MCPH1: variants seen among roughly 807,000 people sequenced by gnomAD.
The protein encoded by MCPH1 is microcephalin.
Under a neutral mutation model 84.5 loss-of-function variants are expected in MCPH1, and 104 were observed. The observed-to-expected ratio is 1.23, with a 90% CI of 1.05 to 1.45. The LOEUF (loss-of-function observed/expected upper bound fraction) is 1.45. Among genes scored for constraint, MCPH1 ranks in the 40% most tolerant of loss-of-function variants. MCPH1 has a pLI of 0.00. For synonymous variants in MCPH1, 514 were observed against 366.8 expected, an observed-to-expected ratio of 1.40 and a Z score of -4.58; for missense variants, 1,498 against 1,005.7, an observed-to-expected ratio of 1.49 and a Z score of -6.62.
intron 12 of MCPH1, among the ~76,000 whole-genome samples, chr8:6,542,039 A>C (rs1436638526): frequency 6.6e-6 from 1 of 152,066 alleles, no homozygotes; most frequent in Non-Finnish European, 1.5e-5. Context: ...CTGAATGATA[A>C]ATGATTACAA....
At chr8:6,625,878 G>T (rs745889127) in intron 13 of MCPH1, 11 of 985,286 alleles carry the variant, frequency 1.1e-5, no homozygotes, top group Non-Finnish European at 1.3e-5. Context: ...CTCACAGGGG[G>T]TGGAGAACCA....
intron 12 of MCPH1, among the ~76,000 whole-genome samples, chr8:6,600,539 A>G (rs1463488389): frequency 6.6e-6 from 1 of 152,250 alleles, no homozygotes; most frequent in African/African-American, 2.4e-5. Context: ...GAGTGTCTCT[A>G]GCATACCTCT....
At chr8:6,448,821 C>A (rs914609785) in intron 8 of MCPH1, among the ~76,000 whole-genome samples, 3 of 152,028 alleles carry the variant, frequency 2.0e-5, no homozygotes, top group Non-Finnish European at 4.4e-5. Flanking sequence ...TGTAACAGAT[C>A]AGATAGTAAG....
chr8:6,416,836 A>T (rs1799372271), intron 3 of MCPH1, among the ~76,000 whole-genome samples: 1 of 152,164 alleles, frequency 6.6e-6, no homozygotes, highest in Admixed American at 6.5e-5. Flanking sequence ...TCTATTAAAA[A>T]TACAAAAATT....
chr8:6,442,425 T>C lies in MCPH1; in HGVS notation c.670+269T>C, dbSNP rs1255952683. 3.3e-5 allele frequency among the ~76,000 whole-genome samples: 5 copies of C among 152,240 alleles called. No individual in the cohort carries two copies. In the South Asian group the frequency reaches 1.0e-3, roughly 32 times the overall value. On this transcript the variant is annotated intron_variant, in intron 7 of 13. Transcript: ENST00000344683. ...TTTAAAAAATTATTGTGAACGTATA[T>C]GAACTAATCTGTATGCAGTTTAAAC...
In MCPH1 at chr8:6,644,489, A is replaced by G. The variant is rs1798116183; in HGVS notation, c.*1440A>G. 1.3e-5 allele frequency: 2 copies of G among 152,236 alleles called. No individual in the cohort carries two copies. The highest frequency in any genetic ancestry group is 6.5e-5 in the Admixed American group (1 of 15,282). The allele number at this position is 152,236 out of a possible 1,614,324, so 9.4% of individuals were successfully genotyped here. A position where few individuals can be genotyped will look rare whatever the true frequency, so the allele number is the denominator to read the frequency against. ...GCTCCTGGAACCGATAAATGACTTA[A>G]GTAAAGTTTCAGGATAGTAAATCCA... On this transcript the variant is annotated 3_prime_UTR_variant, in exon 14 of 14. Transcript: ENST00000344683.
chr8:6,411,882 G>T (rs564802173), intron 2 of MCPH1, among the ~76,000 whole-genome samples: 1 of 152,162 alleles, frequency 6.6e-6, no homozygotes, highest in African/African-American at 2.4e-5. Flanking sequence ...GGGAACTAAT[G>T]TGCTCTTATA....
At chr8:6,493,642 T>C (rs1810909052) in intron 11 of MCPH1, among the ~76,000 whole-genome samples, 1 of 152,180 alleles carries the variant, frequency 6.6e-6, no homozygotes, top group East Asian at 1.9e-4. Flanking sequence ...GTGCAGATCC[T>C]GGTTCAGTGG....
At chr8:6,489,153 A>T (rs534737610) in intron 11 of MCPH1, among the ~76,000 whole-genome samples, 2 of 152,302 alleles carry the variant, frequency 1.3e-5, no homozygotes, top group African/African-American at 4.8e-5. Context: ...TCAAATAGAG[A>T]TACTACATAT....
intron 11 of MCPH1, among the ~76,000 whole-genome samples, chr8:6,499,147 A>T (rs1350330263): frequency 6.6e-6 from 1 of 152,214 alleles, no homozygotes; most frequent in South Asian, 2.1e-4. Context: ...TTAGCTCTAA[A>T]CTTCTGGTGT....
rs1804010918 is a variant in MCPH1 at position 6,444,691 on chromosome 8, G to A, written c.969G>A (p.Gln323=). Residue 323 remains glutamine, a synonymous_variant, in exon 8 of 14, where the codon CAG becomes CAA. Transcript: ENST00000344683. ...AAAAGCAGGCTGCAGGTATGTCTCA[G>A]GAGACGTTTGAAGAGAAGTATCGTT... is the stretch of plus-strand genomic sequence containing the variant. The part of the protein sequence containing the change: ...PDQKQAAGMS[Q]ETFEEKYRLS... The A allele has an allele frequency of 6.2e-7, 1 of 1,614,074 alleles. No individual in the cohort carries two copies. The highest frequency in any genetic ancestry group is 1.3e-5 in the African/African-American group (1 of 75,052).
intron 12 of MCPH1, chr8:6,502,363 G>T (rs952404473): frequency 9.9e-5 from 15 of 152,120 alleles, no homozygotes; most frequent in East Asian, 3.8e-4. Context: ...GAAAAAAATA[G>T]TACGGTCTGC....
chr8:6,621,046 G>A (rs536727020), intron 12 of MCPH1: 11 of 297,266 alleles, frequency 3.7e-5, no homozygotes, highest in African/African-American at 1.8e-4. Context: ...ATTGAATGAC[G>A]CTCTCCCAGC....
intron 9 of MCPH1, 118 bp from the exon 10 acceptor site, chr8:6,477,476 A>T: frequency 1.1e-6 from 1 of 905,400 alleles, no homozygotes; most frequent in Non-Finnish European, 1.8e-6. Flanking sequence ...ACATATGCTT[A>T]AATGTTTATT....
At chr8:6,437,701 C>A (rs999354880) in intron 5 of MCPH1, among the ~76,000 whole-genome samples, 1 of 152,182 alleles carries the variant, frequency 6.6e-6, no homozygotes, top group African/African-American at 2.4e-5. Flanking sequence ...CCAGCTGTCT[C>A]GTCTTCGTCA....
intron 3 of MCPH1, among the ~76,000 whole-genome samples, chr8:6,430,940 T>TA (rs928050468): frequency 1.3e-5 from 2 of 152,064 alleles, no homozygotes; most frequent in African/African-American, 4.8e-5. Flanking sequence ...AATCCAGAGA[T>TA]ACGAAGGTGG....
Position 6,643,472 on chromosome 8 carries a change from C to G in MCPH1, c.*423C>G, listed in dbSNP as rs544176152. 3.8e-5 allele frequency: 9 copies of G among 234,470 alleles called. 1 individual carries two copies. Among genetic ancestry groups the G allele is most frequent in the African/African-American group, 2.1e-4 (9 of 43,316 alleles). The allele number at this position is 234,470 out of a possible 1,614,324, so 14.5% of individuals were successfully genotyped here. ...TAGAGACAGGGTTTCGCCATGTTGG[C>G]CAGGCTGGTCTCAAACGCCTGAGCT... On this transcript the variant is annotated 3_prime_UTR_variant, in exon 14 of 14. Coordinates refer to ENST00000344683, the MANE Select transcript of MCPH1 (RefSeq NM_024596.5).
chr8:6,628,660 T>C (rs1255789357), intron 13 of MCPH1, among the ~76,000 whole-genome samples: 1 of 152,156 alleles, frequency 6.6e-6, no homozygotes, highest in Non-Finnish European at 1.5e-5. Flanking sequence ...GCATTTTGGT[T>C]GTGGCAGGAA....
chr8:6,508,470 G>C (rs148009730), intron 12 of MCPH1: 10 of 185,014 alleles, frequency 5.4e-5, no homozygotes, highest in African/African-American at 2.4e-4. Context: ...TGGAGACTGT[G>C]TCTGTAAATA....
Sources: gnomAD v4.1 joint callset for allele counts (sites outside exome capture counted in the v4.1 genomes callset) on GRCh38, gnomAD v4.1.1 for gene constraint, MANE v1.5 for transcripts, NCBI Gene and HGNC (gene_info 2026-07-23, HGNC 2026-07-21) for gene names.